Variants in METTL15 observed in about 807,000 individuals in gnomAD.
METTL15 encodes the protein 12S rRNA N(4)-cytidine methyltransferase METTL15.
Under a neutral mutation model 38.3 loss-of-function variants are expected in METTL15, and 34 were observed. The observed-to-expected ratio is 0.89, with a 90% CI of 0.68 to 1.18. The LOEUF is 1.18. METTL15 is among the 50% of genes most tolerant of loss of function. METTL15 has a pLI of 0.00. For synonymous variants in METTL15, 162 were observed against 170.9 expected, an observed-to-expected ratio of 0.95 and a Z score of 0.41; for missense variants, 438 against 498.4, an observed-to-expected ratio of 0.88 and a Z score of 1.15.
intron 6 of METTL15, among the ~76,000 whole-genome samples, chr11:28,456,661 C>A (rs1438710232): frequency 6.6e-6 from 1 of 151,906 alleles, no homozygotes. Flanking sequence ...AGGCTGGTCC[C>A]GAACTCCTGA....
intron 5 of METTL15, among the ~76,000 whole-genome samples, chr11:28,366,754 C>G (rs551004228): frequency 6.6e-6 from 1 of 152,062 alleles, no homozygotes; most frequent in Non-Finnish European, 1.5e-5. Context: ...GCATGCTCTG[C>G]CAACCCATAT....
At chr11:28,346,831 G>A (rs1180897982) in intron 3 of METTL15, among the ~76,000 whole-genome samples, 1 of 152,068 alleles carries the variant, frequency 6.6e-6, no homozygotes, top group Non-Finnish European at 1.5e-5. Flanking sequence ...GTAACTCCAG[G>A]GAAAAGAGAA....
chr11:28,315,471 C>T (rs1857445950), intron 6 of METTL15, among the ~76,000 whole-genome samples: 1 of 152,132 alleles, frequency 6.6e-6, no homozygotes, highest in African/African-American at 2.4e-5. Flanking sequence ...CTGTTAAAGG[C>T]ATTCAGTTTT....
intron 6 of METTL15, among the ~76,000 whole-genome samples, chr11:28,449,796 G>A (rs976444230): frequency 7.2e-5 from 11 of 152,208 alleles, no homozygotes; most frequent in Non-Finnish European, 1.0e-4. Context: ...GGGGCAATGC[G>A]GAAAGACACT....
intron 5 of METTL15, among the ~76,000 whole-genome samples, chr11:28,378,041 A>G (rs1850337994): frequency 6.6e-6 from 1 of 152,046 alleles, no homozygotes; most frequent in African/African-American, 2.4e-5. Flanking sequence ...GTACTGGGAG[A>G]ACCACTGCTC....
chr11:28,263,674 T>G (rs1273894640), intron 4 of METTL15, among the ~76,000 whole-genome samples: 2 of 152,102 alleles, frequency 1.3e-5, no homozygotes, highest in East Asian at 3.8e-4. Context: ...TTCATGGACC[T>G]TTTTCGAATT....
At chr11:28,417,943 A>G (rs1850787414) in intron 5 of METTL15, among the ~76,000 whole-genome samples, 1 of 152,230 alleles carries the variant, frequency 6.6e-6, no homozygotes, top group Non-Finnish European at 1.5e-5. Flanking sequence ...ATTAAATAGA[A>G]CATTCTAATT....
intron 5 of METTL15, among the ~76,000 whole-genome samples, chr11:28,397,552 C>G (rs1850584846): frequency 6.6e-6 from 1 of 150,876 alleles, no homozygotes; most frequent in African/African-American, 2.4e-5. Context: ...CCATCTCACA[C>G]CAGTTAGAAT....
chr11:28,277,751 A>G lies in METTL15; in HGVS notation c.408-12455A>G, dbSNP rs142875656. Reference sequence around the variant, plus strand: ...ATGGAATCACGTCATTTGAAGTAACATGGATGGAACTAGAGGTCCTTATCT... The same window carrying G: ...ATGGAATCACGTCATTTGAAGTAACGTGGATGGAACTAGAGGTCCTTATCT... On this transcript the variant is annotated intron_variant, in intron 4 of 6. Transcript: ENST00000407364. Among the ~76,000 whole-genome samples, 63 of 152,224 alleles carry G rather than the reference A, an allele frequency of 4.1e-4. 1 individual carries two copies. In the East Asian group the frequency reaches 0.012, roughly 29 times the overall value.
intron 4 of METTL15, among the ~76,000 whole-genome samples, chr11:28,253,649 T>G (rs960651632): frequency 3.1e-4 from 33 of 107,612 alleles, no homozygotes; most frequent in Middle Eastern, 0.012. Context: ...CAACTACCCT[T>G]CTCAGTCTCT....
intron 4 of METTL15, among the ~76,000 whole-genome samples, chr11:28,288,252 T>C (rs551074701): frequency 1.3e-5 from 2 of 152,256 alleles, no homozygotes; most frequent in African/African-American, 4.8e-5. Flanking sequence ...GAAGACCGTG[T>C]AATGACTCCT....
chr11:28,197,734 A>G (rs1022749284), intron 3 of METTL15, among the ~76,000 whole-genome samples: 2 of 152,030 alleles, frequency 1.3e-5, no homozygotes, highest in African/African-American at 4.8e-5. Context: ...ACATGCACAC[A>G]TAGACACTCT....
At chr11:28,491,812 A>T (rs1055938831) in intron 6 of METTL15, among the ~76,000 whole-genome samples, 1 of 152,152 alleles carries the variant, frequency 6.6e-6, no homozygotes, top group Non-Finnish European at 1.5e-5. Flanking sequence ...AAATAGTTAT[A>T]TTAGAGAAAA....
chr11:28,381,759 T>C (rs966721337), intron 5 of METTL15, among the ~76,000 whole-genome samples: 1 of 152,184 alleles, frequency 6.6e-6, no homozygotes, highest in Non-Finnish European at 1.5e-5. Flanking sequence ...ATTTCTGAAT[T>C]GCTTTTCTGT....
At chr11:28,240,362 A>G (rs1590207530) in intron 4 of METTL15, among the ~76,000 whole-genome samples, 1 of 152,214 alleles carries the variant, frequency 6.6e-6, no homozygotes, top group African/African-American at 2.4e-5. Context: ...GGATTTTAAC[A>G]TAGGTATCTT....
At chr11:28,417,103 C>G (rs1256565276) in intron 5 of METTL15, among the ~76,000 whole-genome samples, 1 of 152,082 alleles carries the variant, frequency 6.6e-6, no homozygotes, top group Non-Finnish European at 1.5e-5. Context: ...CTATGTCTGG[C>G]CTTAGTGAGA....
chr11:28,431,798 A>G, intron 6 of METTL15, among the ~76,000 whole-genome samples: 1 of 30,642 alleles, frequency 3.3e-5, no homozygotes, highest in South Asian at 2.6e-3. Context: ...TTTAAAAAAA[A>G]AAAAAAAAAG....
chr11:28,376,924 A>C (rs1027270673), intron 5 of METTL15, among the ~76,000 whole-genome samples: 1 of 131,978 alleles, frequency 7.6e-6, no homozygotes, highest in Non-Finnish European at 1.7e-5. Context: ...TATGAAGCTT[A>C]GTTTGGCTGG....
intron 5 of METTL15, among the ~76,000 whole-genome samples, chr11:28,395,071 T>G (rs1300242987): frequency 1.3e-5 from 2 of 151,928 alleles, no homozygotes; most frequent in Non-Finnish European, 2.9e-5. Flanking sequence ...TTTTGGAGAG[T>G]TTCTTCCACA....
Sources: allele counts gnomAD v4.1 joint callset (sites outside exome capture counted in the v4.1 genomes callset), GRCh38; gene constraint gnomAD v4.1.1; transcripts MANE v1.5; gene names NCBI Gene and HGNC (gene_info 2026-07-23, HGNC 2026-07-21).